The following ADARB2 variants were observed in gnomAD, a reference collection of about 807,000 sequenced individuals.
ADARB2 encodes adenosine deaminase RNA specific B2 (inactive).
In ADARB2, 25 loss-of-function variants were observed where a neutral mutation model predicts 62.2. The ratio of observed to expected loss-of-function variants is 0.40; its 90% CI spans 0.29 to 0.56. The LOEUF is 0.56. Ranked by LOEUF, ADARB2 falls within the 20% of genes least tolerant of loss-of-function variation. The probability of loss-of-function intolerance (pLI) is 0.43; values close to 1 mark genes in which losing one functional copy is unlikely to be tolerated. For missense variants in ADARB2, 1,071 were observed against 1,077.4 expected (o/e 0.99, Z 0.08); for synonymous variants, 572 against 500.8 (o/e 1.14, Z -1.90).
At chr10:1,525,977 G>A (rs532066459) in intron 1 of ADARB2, among the ~76,000 whole-genome samples, 1 of 152,194 alleles carries the variant, frequency 6.6e-6, no homozygotes. Context: ...ATGTGCGTGT[G>A]TGCATGCATA....
rs182377043 is a variant in ADARB2 at position 1,601,756 on chromosome 10, C to T, written c.100+135295G>A. ...GCATCAGCCGCTGCGGTCTGTGCTC[C>T]GGGGTACTTCCATGCATCTTTCAAA... is the stretch of plus-strand genomic sequence containing the variant. On this transcript the variant is annotated intron_variant, in intron 1 of 9. Transcript: ENST00000381312. Among the ~76,000 whole-genome samples, 569 of 152,242 alleles carry T rather than the reference C, an allele frequency of 3.7e-3. 7 individuals carry two copies. Among genetic ancestry groups the T allele is most frequent in the Admixed American group, 0.019 (292 of 15,298 alleles).
At chr10:1,674,753 G>A (rs952411093) in intron 1 of ADARB2, among the ~76,000 whole-genome samples, 2 of 152,106 alleles carry the variant, frequency 1.3e-5, no homozygotes, top group African/African-American at 2.4e-5. Flanking sequence ...ATCATCATGG[G>A]GAAGTCCAAA....
chr10:1,623,579 C>T (rs756377252), intron 1 of ADARB2, among the ~76,000 whole-genome samples: 1 of 152,248 alleles, frequency 6.6e-6, no homozygotes, highest in African/African-American at 2.4e-5. Context: ...CCTTCCCAGG[C>T]ATGGTCCACC....
chr10:1,653,887 G>A (rs974159441), intron 1 of ADARB2, among the ~76,000 whole-genome samples: 2 of 152,132 alleles, frequency 1.3e-5, no homozygotes, highest in African/African-American at 2.4e-5. Flanking sequence ...TTGAAAGGCC[G>A]CCTTGCCCCA....
intron 9 of ADARB2, among the ~76,000 whole-genome samples, 176 bp from the exon 10 acceptor site, chr10:1,183,545 C>T (rs888250122): frequency 6.6e-5 from 10 of 152,218 alleles, no homozygotes; most frequent in Non-Finnish European, 4.4e-5. Context: ...GAAACCTAGT[C>T]ATCAAGGAAA....
chr10:1,558,250 C>A (rs1443986264), intron 1 of ADARB2, among the ~76,000 whole-genome samples: 1 of 148,938 alleles, frequency 6.7e-6, no homozygotes, highest in East Asian at 2.0e-4. Context: ...TGCTCAGACC[C>A]CGCATGCTCC....
chr10:1,646,045 G>A (rs1246738940), intron 1 of ADARB2, among the ~76,000 whole-genome samples: 1 of 152,144 alleles, frequency 6.6e-6, no homozygotes, highest in Admixed American at 6.5e-5. Context: ...CATGAGGATG[G>A]CACCCAGTCT....
intron 3 of ADARB2, among the ~76,000 whole-genome samples, chr10:1,279,594 G>A (rs931640224): frequency 6.6e-6 from 1 of 152,228 alleles, no homozygotes; most frequent in Non-Finnish European, 1.5e-5. Context: ...GGGATTACAG[G>A]TGTGAGTCAC....
At chr10:1,690,662 C>T (rs1210671743) in intron 1 of ADARB2, among the ~76,000 whole-genome samples, 1 of 152,168 alleles carries the variant, frequency 6.6e-6, no homozygotes, top group East Asian at 1.9e-4. Context: ...TGTCCCCATG[C>T]TCAGTGGAGC....
intron 1 of ADARB2, among the ~76,000 whole-genome samples, chr10:1,655,978 C>A (rs1328057580): frequency 2.0e-5 from 3 of 152,148 alleles, no homozygotes; most frequent in Non-Finnish European, 4.4e-5. Flanking sequence ...GAGGTGTGCC[C>A]ACACACCTAT....
chr10:1,562,879 AG>A (rs1832803443), intron 1 of ADARB2, among the ~76,000 whole-genome samples: 1 of 152,246 alleles, frequency 6.6e-6, no homozygotes, highest in Non-Finnish European at 1.5e-5. Flanking sequence ...CAGAGACTCA[AG>A]AAATATGATT....
chr10:1,391,713 G>T (rs541695879), intron 1 of ADARB2, among the ~76,000 whole-genome samples: 1 of 148,838 alleles, frequency 6.7e-6, no homozygotes, highest in African/African-American at 2.5e-5. Context: ...TTGGCTGGAA[G>T]TTTCAATAAA....
Position 1,635,462 on chromosome 10 carries a change from A to T in ADARB2, c.100+101589T>A, listed in dbSNP as rs140075811. On this transcript the variant is annotated intron_variant, in intron 1 of 9. Transcript: ENST00000381312. ...GTGCTTGCTGAAAGCATTAGTGTCA[A>T]ATTTTCCCTTGGAGAAGACCAAACC... is the stretch of plus-strand genomic sequence containing the variant. Among the ~76,000 whole-genome samples, 323 of 152,316 alleles carry T rather than the reference A, an allele frequency of 2.1e-3. 2 individuals are homozygous for T. Among genetic ancestry groups the T allele is most frequent in the African/African-American group, 7.4e-3 (309 of 41,580 alleles).
intron 4 of ADARB2, among the ~76,000 whole-genome samples, chr10:1,269,945 G>T (rs914319241): frequency 2.0e-5 from 3 of 152,144 alleles, no homozygotes; most frequent in Non-Finnish European, 4.4e-5. Flanking sequence ...GGGTGGGGCT[G>T]GTATATTTAT....
intron 3 of ADARB2, among the ~76,000 whole-genome samples, chr10:1,330,413 A>G (rs754795040): frequency 2.0e-5 from 3 of 152,266 alleles, no homozygotes; most frequent in Non-Finnish European, 2.9e-5. Context: ...TGTAAAACAT[A>G]TACAAAAATA....
At chr10:1,715,890 C>T (rs1472584609) in intron 1 of ADARB2, among the ~76,000 whole-genome samples, 1 of 152,240 alleles carries the variant, frequency 6.6e-6, no homozygotes, top group Non-Finnish European at 1.5e-5. Context: ...TTCCGAACAG[C>T]AGCAGGGCTG....
chr10:1,192,036 G>A (rs960510949), intron 8 of ADARB2, among the ~76,000 whole-genome samples: 24 of 152,220 alleles, frequency 1.6e-4, no homozygotes, highest in African/African-American at 5.8e-4. Context: ...GAGTTTTACT[G>A]TGGCTCGCGG....
chr10:1,563,504 T>C (rs1232038578), intron 1 of ADARB2, among the ~76,000 whole-genome samples: 1 of 152,168 alleles, frequency 6.6e-6, no homozygotes, highest in Non-Finnish European at 1.5e-5. Context: ...AAGAGGCCAC[T>C]GATGAAATTT....
intron 1 of ADARB2, among the ~76,000 whole-genome samples, chr10:1,666,573 A>C (rs1391718663): frequency 6.6e-6 from 1 of 152,196 alleles, no homozygotes; most frequent in Non-Finnish European, 1.5e-5. Context: ...CATCTGGGGT[A>C]TCCAGCGTCC....
Sources: allele counts gnomAD v4.1 joint callset (sites outside exome capture counted in the v4.1 genomes callset), GRCh38; gene constraint gnomAD v4.1.1; transcripts MANE v1.5; gene names NCBI Gene and HGNC (gene_info 2026-07-23, HGNC 2026-07-21).